RFPL2: variants seen among roughly 807,000 people sequenced by gnomAD.
RFPL2 encodes the protein ret finger protein like 2.
In RFPL2, 13 loss-of-function variants were observed where a neutral mutation model predicts 17.8. That is an observed-to-expected ratio of 0.73 (90% CI 0.47 to 1.16). The LOEUF is 1.16. Among genes scored for constraint, RFPL2 ranks in the 50% most tolerant of loss-of-function variants. The pLI is 0.00. For synonymous variants in RFPL2, 189 were observed against 180.9 expected (o/e 1.04, Z -0.36); for missense variants, 431 against 479.3 (o/e 0.90, Z 0.94).
intron 2 of RFPL2, among the ~76,000 whole-genome samples, chr22:32,199,256 T>G (rs1314341433): frequency 6.6e-6 from 1 of 151,792 alleles, no homozygotes; most frequent in Admixed American, 6.6e-5. Flanking sequence ...CAGAAGGACA[T>G]GCTGTTCGTG....
At chr22:32,191,541 C>G (rs1603200185) in intron 4 of RFPL2, among the ~76,000 whole-genome samples, 189 bp from the exon 5 acceptor site, 1 of 152,286 alleles carries the variant, frequency 6.6e-6, no homozygotes, top group East Asian at 1.9e-4. Context: ...GTGGCAATAC[C>G]TGACCCTTAT....
At chr22:32,200,809 A>T (rs565918532) in intron 2 of RFPL2, among the ~76,000 whole-genome samples, 8 of 151,996 alleles carry the variant, frequency 5.3e-5, no homozygotes, top group Non-Finnish European at 1.0e-4. Context: ...CCAGCCCTGA[A>T]AGCCGGGCTG....
intron 2 of RFPL2, among the ~76,000 whole-genome samples, chr22:32,197,320 G>A (rs5998293): frequency 2.9e-3 from 434 of 152,250 alleles, no homozygotes; most frequent in African/African-American, 0.01. Flanking sequence ...CCCAGAGGGT[G>A]GTTAAAGGCA....
At chr22:32,194,090 C>CAAAAAATA (rs1178949328) in intron 3 of RFPL2, among the ~76,000 whole-genome samples, 1 of 151,364 alleles carries the variant, frequency 6.6e-6, no homozygotes, top group African/African-American at 2.4e-5. Context: ...CCCGTCTCAC[C>CAAAAAATA]AAAAAATAAA....
intron 2 of RFPL2, chr22:32,200,129 GAGCC>G: frequency 2.6e-6 from 1 of 391,310 alleles, no homozygotes; most frequent in Non-Finnish European, 5.1e-6. Flanking sequence ...GAAGCGACCT[GAGCC>G]TGACACCCCA....
chr22:32,202,874 G>A lies in RFPL2; in HGVS notation c.-99-324C>T, dbSNP rs190719560. 8.2e-5 allele frequency: 84 copies of A among 1,029,406 alleles called. No individual in the cohort carries two copies. The African/African-American group carries it at 1.2e-3, about 15-fold the overall frequency. 63.8% of individuals were successfully genotyped at this position (1,029,406 alleles called of 1,614,324 possible). A position where few individuals can be genotyped will look rare whatever the true frequency, so the allele number is the denominator to read the frequency against. On this transcript the variant is annotated intron_variant, in intron 1 of 4. Transcript: ENST00000652607. ...ATGCCTCCTCCACCCACAGGGCCCT[G>A]TAGCCTCCTCGTGTCCACTACTGCG...
chr22:32,202,906 G>A, intron 1 of RFPL2: 2 of 999,166 alleles, frequency 2.0e-6, no homozygotes, highest in Non-Finnish European at 2.4e-6. Context: ...TGCGTGCCCC[G>A]GGGTCCCAGG....
chr22:32,193,545 G>A (rs1194523920), intron 3 of RFPL2: 2 of 1,297,480 alleles, frequency 1.5e-6, no homozygotes, highest in African/African-American at 3.0e-5. Context: ...CCCAGCAAGA[G>A]ACTGATTGAT....
intron 3 of RFPL2, 137 bp from the exon 4 acceptor site, chr22:32,193,329 A>C: frequency 6.3e-7 from 1 of 1,583,450 alleles, no homozygotes; most frequent in Non-Finnish European, 8.6e-7. Context: ...CCATGAGTAC[A>C]AACACTCAAG....
intron 2 of RFPL2, 94 bp downstream of exon 2, chr22:32,202,239 T>G: frequency 6.8e-7 from 1 of 1,468,694 alleles, no homozygotes; most frequent in Non-Finnish European, 9.2e-7. Flanking sequence ...TCCCCACATC[T>G]CCTCCTCTCA....
intron 2 of RFPL2, chr22:32,199,955 C>G (rs936073195): frequency 3.2e-5 from 17 of 538,840 alleles, no homozygotes; most frequent in Admixed American, 1.0e-4. Context: ...ACTCTGTTCC[C>G]GTCCTCCTCT....
chr22:32,199,595 G>T (rs1923704400), intron 2 of RFPL2, among the ~76,000 whole-genome samples: 1 of 152,236 alleles, frequency 6.6e-6, no homozygotes, highest in Non-Finnish European at 1.5e-5. Flanking sequence ...ACAGAGCTCA[G>T]AGAACACAGC....
intron 2 of RFPL2, among the ~76,000 whole-genome samples, chr22:32,201,990 C>T (rs1165258750): frequency 1.3e-5 from 2 of 152,164 alleles, no homozygotes; most frequent in African/African-American, 4.8e-5. Context: ...GTCAGAAGTC[C>T]AAAATGAGGC....
In RFPL2 at chr22:32,190,712, C is replaced by T. The variant is rs769634830; in HGVS notation, c.*60G>A. 114 of 1,479,276 alleles carry T rather than the reference C, an allele frequency of 7.7e-5. No individual in the cohort carries two copies. The highest frequency in any genetic ancestry group is 1.0e-4 in the Non-Finnish European group (111 of 1,107,954). The allele number at this position is 1,479,276 out of a possible 1,614,324, so 91.6% of individuals were successfully genotyped here. On this transcript the variant is annotated 3_prime_UTR_variant, in exon 5 of 5. Coordinates refer to ENST00000652607, the MANE Select transcript of RFPL2 (RefSeq NM_001394555.1). ...AATGCTTTTACGAAGTAGAGCGTTC[C>T]TAAGTCTACCCACCCAAGTAATTTT...
At chr22:32,202,980 G>T (rs1924100844) in intron 1 of RFPL2, 1 of 985,924 alleles carries the variant, frequency 1.0e-6, no homozygotes, top group East Asian at 1.1e-4. Flanking sequence ...TGGGGCCCCT[G>T]CCGCGCTCAG....
At chr22:32,199,743 A>C (rs1479257791) in intron 2 of RFPL2, among the ~76,000 whole-genome samples, 3 of 152,174 alleles carry the variant, frequency 2.0e-5, no homozygotes, top group Admixed American at 2.0e-4. Context: ...AGGTTCCCTG[A>C]ATGACAGAGA....
chr22:32,193,670 GACCAAC>G (rs1349203473), intron 3 of RFPL2, among the ~76,000 whole-genome samples: 4 of 152,130 alleles, frequency 2.6e-5, no homozygotes, highest in Middle Eastern at 3.2e-3. Context: ...AGACCAGCCT[GACCAAC>G]ATGGGGAAAC....
At chr22:32,201,678 G>T (rs1277163204) in intron 2 of RFPL2, among the ~76,000 whole-genome samples, 1 of 152,200 alleles carries the variant, frequency 6.6e-6, no homozygotes, top group African/African-American at 2.4e-5. Context: ...GACTTTCTCT[G>T]TGAGGCTCCC....
rs1411678497 is a variant in RFPL2, at chr22:32,202,223, C to T, written c.119+110G>A. 3.6e-6 allele frequency: 5 copies of T among 1,371,070 alleles called. No individual in the cohort carries two copies. The African/African-American group carries it at 4.3e-5, about 12-fold the overall frequency. The allele number at this position is 1,371,070 out of a possible 1,614,324, so 84.9% of individuals were successfully genotyped here. On this transcript the variant is annotated intron_variant, in intron 2 of 4. Transcript: ENST00000652607. The stretch of plus-strand genomic sequence containing the variant: ...CTGGACTCCCCTCTCCTTCTCTCTC[C>T]CTCCATCCCCACATCTCCTCCTCTC...
Sources: gnomAD v4.1 joint callset for allele counts (sites outside exome capture counted in the v4.1 genomes callset) on GRCh38, gnomAD v4.1.1 for gene constraint, MANE v1.5 for transcripts, NCBI Gene and HGNC (gene_info 2026-07-23, HGNC 2026-07-21) for gene names.